The following SPATA31G1 variants were observed in gnomAD, a reference collection of about 807,000 sequenced individuals.
SPATA31G1 encodes the protein spermatogenesis-associated protein 31G1.
the SPATA31G1 span, chr9:35,045,291 G>C: frequency 6.2e-7 from 1 of 1,614,078 alleles, no homozygotes; most frequent in Non-Finnish European, 8.5e-7. Context: ...TCAGAGAGGG[G>C]AGAAAATGAA....
chr9:35,044,309 G>A, the SPATA31G1 span: 8 of 1,613,988 alleles, frequency 5.0e-6, no homozygotes, highest in Non-Finnish European at 5.9e-6. Flanking sequence ...CTCCATCTCT[G>A]GCCCTCAGCC....
the SPATA31G1 span, chr9:35,042,184 TG>T: frequency 6.4e-7 from 1 of 1,552,670 alleles, no homozygotes. Flanking sequence ...CAGGCCTCTG[TG>T]GGGGATGGGA....
chr9:35,045,861 A>C, the SPATA31G1 span: 12 of 1,600,766 alleles, frequency 7.5e-6, no homozygotes, highest in African/African-American at 1.3e-5. Context: ...CACCAAATCT[A>C]GTCAGTAGAG....
At chr9:35,041,690 G>A in the SPATA31G1 span, 1 of 154,102 alleles carries the variant, frequency 6.5e-6, no homozygotes, top group Non-Finnish European at 1.4e-5. Context: ...AATATAGAGA[G>A]ATCCTGTCTC....
chr9:35,043,380 C>T, the SPATA31G1 span: 2 of 1,614,184 alleles, frequency 1.2e-6, no homozygotes, highest in Non-Finnish European at 1.7e-6. Context: ...CTCCTCAGCC[C>T]AGTTTTCTAC....
chr9:35,041,665 G>A, the SPATA31G1 span: 3 of 153,264 alleles, frequency 2.0e-5, no homozygotes, highest in South Asian at 2.0e-4. Flanking sequence ...CTCAGGAGTC[G>A]AGACCAGCCT....
At chr9:35,045,501 A>G in the SPATA31G1 span, 2 of 1,614,160 alleles carry the variant, frequency 1.2e-6, no homozygotes, top group South Asian at 1.1e-5. Flanking sequence ...AGACCATAGA[A>G]GAGGGACTGC....
chr9:35,044,155 C>T, the SPATA31G1 span: 1 of 1,614,166 alleles, frequency 6.2e-7, no homozygotes, highest in South Asian at 1.1e-5. Context: ...AACCTCTGGG[C>T]ATCTGATTCC....
At chr9:35,042,689 C>T in the SPATA31G1 span, 6 of 1,157,080 alleles carry the variant, frequency 5.2e-6, no homozygotes, top group Non-Finnish European at 7.3e-6. Context: ...CAAATGAGGA[C>T]TGGGTAATGA....
chr9:35,044,463 CATGG>C, the SPATA31G1 span: 4 of 1,614,160 alleles, frequency 2.5e-6, no homozygotes, highest in Non-Finnish European at 3.4e-6. Context: ...CCAAGACCTG[CATGG>C]AGCCAGCCCT....
At chr9:35,042,404 TTGGCAGATTCAGAGA>T in the SPATA31G1 span, 1 of 1,614,226 alleles carries the variant, frequency 6.2e-7, no homozygotes. Context: ...TATTCGTGGT[TTGGCAGATTCAGAGA>T]TGGTGGCAGC....
the SPATA31G1 span, chr9:35,042,519 G>T: frequency 1.9e-6 from 3 of 1,613,592 alleles, no homozygotes; most frequent in South Asian, 3.3e-5. Context: ...CTGGATGAAT[G>T]ACTGCTGACA....
At chr9:35,042,658 G>T in the SPATA31G1 span, 1 of 1,188,974 alleles carries the variant, frequency 8.4e-7, no homozygotes, top group Non-Finnish European at 1.2e-6. Context: ...TCTAGATGTA[G>T]AATGAGGGAA....
the SPATA31G1 span, chr9:35,042,300 G>A: frequency 3.1e-6 from 5 of 1,614,196 alleles, no homozygotes; most frequent in Non-Finnish European, 4.2e-6. Flanking sequence ...GGGGGATATG[G>A]GGCTTCTCTG....
the SPATA31G1 span, chr9:35,042,577 T>C: frequency 2.5e-6 from 4 of 1,581,244 alleles, no homozygotes. Context: ...TGAGTGACTA[T>C]AAGCCCTAGA....
the SPATA31G1 span, chr9:35,043,107 C>T: frequency 1.2e-5 from 20 of 1,614,160 alleles, no homozygotes; most frequent in Non-Finnish European, 1.7e-5. Context: ...AGTCATGCAG[C>T]CCGTGAGCCC....
chr9:35,042,807 C>A, the SPATA31G1 span: 2 of 1,573,190 alleles, frequency 1.3e-6, no homozygotes, highest in Non-Finnish European at 1.7e-6. Flanking sequence ...TCATAGCAAA[C>A]CTTGTGTATC....
At chr9:35,042,246 C>G in the SPATA31G1 span, 1 of 1,613,310 alleles carries the variant, frequency 6.2e-7, no homozygotes, top group Non-Finnish European at 8.5e-7. Flanking sequence ...TGCCAGAAGG[C>G]TAAGGGAAAT....
At chr9:35,043,279 C>A in the SPATA31G1 span, 1 of 1,614,064 alleles carries the variant, frequency 6.2e-7, no homozygotes, top group African/African-American at 1.3e-5. Context: ...TCAGGTGGCC[C>A]CTCTCCTCTG....
Sources: gnomAD v4.1 joint callset for allele counts on GRCh38, gnomAD v4.1.1 for gene constraint, MANE v1.5 for transcripts, NCBI Gene and HGNC (gene_info 2026-07-23, HGNC 2026-07-21) for gene names.